Variants in SDCBP2 observed in about 807,000 individuals in gnomAD.
The protein encoded by SDCBP2 is syndecan binding protein 2.
In SDCBP2, 28 loss-of-function variants were observed where a neutral mutation model predicts 30.7. That is an observed-to-expected ratio of 0.91 (90% CI 0.68 to 1.25). The LOEUF (loss-of-function observed/expected upper bound fraction) is 1.25. Ranked by LOEUF, SDCBP2 falls within the 50% of genes most tolerant of loss-of-function variation. The pLI, the probability that SDCBP2 is intolerant of heterozygous loss-of-function variation, is 0.00. For synonymous variants in SDCBP2, 166 were observed against 157.3 expected (o/e 1.06, Z -0.41); for missense variants, 399 against 379.0 (o/e 1.05, Z -0.44).
chr20:1,316,393 T>A (rs530333865), intron 4 of SDCBP2, among the ~76,000 whole-genome samples: 1 of 152,310 alleles, frequency 6.6e-6, no homozygotes, highest in South Asian at 2.1e-4. Flanking sequence ...GGAACTAGTT[T>A]GGCAGTTTCT....
rs533176713 is a variant in SDCBP2, at chr20:1,312,971, A to G, written c.385-209T>C. ...AGGAAGCAGGTGAGTCAGGATTTCA[A>G]CCCTGGCCTGGGGCTGCACTCCGAA... On this transcript the variant is annotated intron_variant, in intron 5 of 8. Coordinates refer to ENST00000360779, the MANE Select transcript of SDCBP2 (RefSeq NM_080489.5). The G allele has an allele frequency of 8.0e-4, 490 of 614,320 alleles. 4 individuals are homozygous for G. The African/African-American group carries it at 8.1e-3, about 10-fold the overall frequency. The allele number at this position is 614,320 out of a possible 1,614,324, so 38.1% of individuals were successfully genotyped here.
intron 4 of SDCBP2, among the ~76,000 whole-genome samples, chr20:1,314,263 T>C (rs6134548): frequency 2.0e-5 from 3 of 151,992 alleles, no homozygotes; most frequent in East Asian, 3.9e-4. Context: ...CCGAGGAAGA[T>C]GGATCACTTG....
intron 3 of SDCBP2, among the ~76,000 whole-genome samples, chr20:1,319,253 A>G (rs1284464484): frequency 6.6e-6 from 1 of 152,200 alleles, no homozygotes; most frequent in East Asian, 1.9e-4. Context: ...AGGCCCCACA[A>G]ATGATATCAC....
Position 1,313,542 on chromosome 20 carries a change from C to T in SDCBP2, c.226-44G>A. 2.0e-6 allele frequency: 3 copies of T among 1,527,460 alleles called. No individual in the cohort carries two copies. Among genetic ancestry groups the T allele is most frequent in the South Asian group, 2.4e-5 (2 of 81,822 alleles). 94.6% of individuals were successfully genotyped at this position (1,527,460 alleles called of 1,614,324 possible). ...AGGGGGTCAGCCCGGCCCGTGGGGA[C>T]CCTGTGCCTCAGGAGACACTGGGGT... On this transcript the variant is annotated intron_variant, in intron 4 of 8. Transcript: ENST00000360779. The surrounding 1 kb of genome is among the most constrained non-coding windows in gnomAD (Gnocchi z 5.2).
rs986404224 is a variant in SDCBP2 at position 1,313,880 on chromosome 20, A to T, written c.226-382T>A. 1.3e-5 allele frequency among the ~76,000 whole-genome samples: 2 copies of T among 149,404 alleles called. No individual in the cohort carries two copies. Among genetic ancestry groups the T allele is most frequent in the African/African-American group, 2.4e-5 (1 of 40,968 alleles). ...TGGATTTTTGTCTTGAGAAAAATGT[A>T]AAAATATACAAATTCATGATGCAGA... On this transcript the variant is annotated intron_variant, in intron 4 of 8. Coordinates refer to ENST00000360779, the MANE Select transcript of SDCBP2 (RefSeq NM_080489.5). This position sits in a 1 kb window ranked among gnomAD's most constrained non-coding sequence, Gnocchi z 5.2.
rs200398092 is a variant in SDCBP2, at chr20:1,310,419, C to A, written c.*22G>T. Reference sequence around the variant, plus strand: ...GCAGGAGGGCGGGAAGCCCCCCCTGCCTGCCCTGCCCTGCAGTGGCTTCAG... The same window carrying A: ...GCAGGAGGGCGGGAAGCCCCCCCTGACTGCCCTGCCCTGCAGTGGCTTCAG... On this transcript the variant is annotated 3_prime_UTR_variant, in exon 9 of 9. Coordinates refer to ENST00000360779, the MANE Select transcript of SDCBP2 (RefSeq NM_080489.5). 1.2e-6 allele frequency: 2 copies of A among 1,612,054 alleles called. No homozygotes were observed. The highest frequency in any genetic ancestry group is 1.7e-5 in the Admixed American group (1 of 59,962).
intron 3 of SDCBP2, among the ~76,000 whole-genome samples, chr20:1,318,967 G>C (rs2088817466): frequency 6.6e-6 from 1 of 152,200 alleles, no homozygotes; most frequent in Admixed American, 6.5e-5. Flanking sequence ...CAGAGCTGTG[G>C]GAATATACAT....
rs976852075 is a variant in SDCBP2 at position 1,324,583 on chromosome 20, C to T, written c.-19-4148G>A. 1.3e-5 allele frequency among the ~76,000 whole-genome samples: 2 copies of T among 152,182 alleles called. No individual in the cohort carries two copies. The highest frequency in any genetic ancestry group is 6.5e-5 in the Admixed American group (1 of 15,284). ...CAAAAATCCGTTATAATTGGTTGTA[C>T]ATACAATCACAATGAATTTTTCCCT... On this transcript the variant is annotated intron_variant, in intron 1 of 8. Transcript: ENST00000360779. The surrounding 1 kb of genome is among the most constrained non-coding windows in gnomAD (Gnocchi z 4.7).
chr20:1,318,949 C>T (rs930349271), intron 3 of SDCBP2, among the ~76,000 whole-genome samples: 1 of 152,234 alleles, frequency 6.6e-6, no homozygotes, highest in South Asian at 2.1e-4. Context: ...TCTTGGGCTT[C>T]CAGCCTCCAG....
intron 8 of SDCBP2, 35 bp downstream of exon 8, chr20:1,310,764 AG>A (rs773652910): frequency 1.3e-4 from 192 of 1,497,904 alleles, no homozygotes; most frequent in Non-Finnish European, 1.7e-4. Flanking sequence ...ATGGCAGAGG[AG>A]GGGTGAGGAG....
At position 1,310,411 on chromosome 20, in the gene SDCBP2, C is replaced by T. The variant is rs368562659; in HGVS notation, c.*30G>A. 1.2e-5 allele frequency: 20 copies of T among 1,610,706 alleles called. No homozygotes were observed. In the African/African-American group the frequency reaches 1.3e-4, roughly 11 times the overall value. On this transcript the variant is annotated 3_prime_UTR_variant, in exon 9 of 9. Coordinates refer to ENST00000360779, the MANE Select transcript of SDCBP2 (RefSeq NM_080489.5). ...CCTTTGCTGCAGGAGGGCGGGAAGCCCCCCCTGCCTGCCCTGCCCTGCAGT... is the reference window on the plus strand; with the variant it reads ...CCTTTGCTGCAGGAGGGCGGGAAGCTCCCCCTGCCTGCCCTGCCCTGCAGT...
Position 1,312,751 on chromosome 20 carries a change from C to A in SDCBP2, c.396G>T (p.Val132=). The change falls in exon 6 of 9, where the codon GTG becomes GTT. Residue 132 remains valine (V), a synonymous_variant. Coordinates refer to ENST00000360779, the MANE Select transcript of SDCBP2 (RefSeq NM_080489.5). ...CAGGGGTGTTGGCCTGGACCAACTG[C>A]ACAAAGAGCCCCTGGGGGAGGCAGG... ...RLRKVDQGLF[V]QLVQANTPAS... The A allele has an allele frequency of 6.2e-7, 1 of 1,611,486 alleles. No individual in the cohort carries two copies. Among genetic ancestry groups the A allele is most frequent in the Non-Finnish European group, 8.5e-7 (1 of 1,178,824 alleles).
intron 1 of SDCBP2, among the ~76,000 whole-genome samples, chr20:1,326,587 T>G (rs1292751957): frequency 6.6e-6 from 1 of 152,230 alleles, no homozygotes; most frequent in Non-Finnish European, 1.5e-5. Flanking sequence ...TCCTCCAATT[T>G]AAAGCTTTCC....
chr20:1,327,692 TG>T (rs1184614700), intron 1 of SDCBP2, among the ~76,000 whole-genome samples: 1 of 152,280 alleles, frequency 6.6e-6, no homozygotes, highest in Non-Finnish European at 1.5e-5. Flanking sequence ...CTTTGTAATC[TG>T]GATAACAATA....
intron 7 of SDCBP2, among the ~76,000 whole-genome samples, chr20:1,311,272 CAA>C (rs1180479773): frequency 6.6e-6 from 1 of 152,186 alleles, no homozygotes; most frequent in Non-Finnish European, 1.5e-5. Flanking sequence ...GTTCTGGCCT[CAA>C]AGCATAAATG....
chr20:1,312,201 C>CG (rs2088683093), intron 7 of SDCBP2, 136 bp downstream of exon 7: 4 of 866,886 alleles, frequency 4.6e-6, no homozygotes, highest in Non-Finnish European at 7.1e-6. Context: ...CCCAGCCCTA[C>CG]GAACACCGTC....
chr20:1,312,198 C>A, intron 7 of SDCBP2, 139 bp downstream of exon 7: 1 of 840,910 alleles, frequency 1.2e-6, no homozygotes, highest in Non-Finnish European at 1.8e-6. Context: ...GCACCCAGCC[C>A]TACGAACACC....
In SDCBP2 at chr20:1,313,008, T is replaced by C; in HGVS notation, c.385-246A>G. The C allele has an allele frequency of 6.8e-6, 4 of 591,278 alleles. No homozygotes were observed. Among genetic ancestry groups the C allele is most frequent in the Non-Finnish European group, 1.2e-5 (4 of 333,288 alleles). The allele number at this position is 591,278 out of a possible 1,614,324, so 36.6% of individuals were successfully genotyped here. A position where few individuals can be genotyped will look rare whatever the true frequency, so the allele number is the denominator to read the frequency against. ...GGCTGCACTCCGAAACACTCCACTG[T>C]ACCATTCACAAAGGCATGGGCTTCC... On this transcript the variant is annotated intron_variant, in intron 5 of 8. Coordinates refer to ENST00000360779, the MANE Select transcript of SDCBP2 (RefSeq NM_080489.5). The surrounding 1 kb of genome is among the most constrained non-coding windows in gnomAD (Gnocchi z 5.2).
At chr20:1,312,972 CCCTGG>C in intron 5 of SDCBP2, 1 of 615,786 alleles carries the variant, frequency 1.6e-6, no homozygotes, top group South Asian at 2.0e-5. Context: ...AGGATTTCAA[CCCTGG>C]CCTGGGGCTG....
Sources: allele counts gnomAD v4.1 joint callset (sites outside exome capture counted in the v4.1 genomes callset), GRCh38; gene constraint gnomAD v4.1.1; non-coding constraint Gnocchi (gnomAD v3.1); transcripts MANE v1.5; gene names NCBI Gene and HGNC (gene_info 2026-07-23, HGNC 2026-07-21).